Variants in PDE1C observed in about 807,000 individuals in gnomAD.
PDE1C encodes the protein phosphodiesterase 1C.
Under a neutral mutation model 93.1 loss-of-function variants are expected in PDE1C, and 62 were observed. The ratio of observed to expected loss-of-function variants is 0.67; its 90% CI spans 0.54 to 0.82. The LOEUF (loss-of-function observed/expected upper bound fraction) is 0.82, where lower values mean the gene tolerates loss of function less well. PDE1C is among the 40% of genes least tolerant of loss of function. PDE1C has a pLI of 0.00. For missense variants in PDE1C, 742 were observed against 884.6 expected (o/e 0.84, Z 2.04); for synonymous variants, 325 against 310.1 (o/e 1.05, Z -0.50).
At chr7:31,658,393 T>C in the PDE1C span, 1 of 1,492,990 alleles carries the variant, frequency 6.7e-7, no homozygotes, top group Non-Finnish European at 8.8e-7. Context: ...TCTGTTGTAA[T>C]TGTTTTTCTT....
At chr7:32,385,463 T>C (rs1320839178) in intron 1 of PDE1C, among the ~76,000 whole-genome samples, 1 of 152,132 alleles carries the variant, frequency 6.6e-6, no homozygotes, top group Non-Finnish European at 1.5e-5. Flanking sequence ...GGGTGTTCCT[T>C]GGCACTCCAC....
chr7:31,734,810 A>C, the PDE1C span, among the ~76,000 whole-genome samples: 1 of 152,184 alleles, frequency 6.6e-6, no homozygotes, highest in Non-Finnish European at 1.5e-5. Flanking sequence ...TATATGAATA[A>C]GTTTTTCATA....
chr7:32,201,920 C>T (rs1450842570), intron 2 of PDE1C, among the ~76,000 whole-genome samples: 1 of 152,188 alleles, frequency 6.6e-6, no homozygotes, highest in Non-Finnish European at 1.5e-5. Context: ...GGAGGAGGAG[C>T]TTCGTAGCAC....
At chr7:31,928,955 G>C (rs914421648) in intron 2 of PDE1C, among the ~76,000 whole-genome samples, 15 of 152,102 alleles carry the variant, frequency 9.9e-5, no homozygotes, top group Non-Finnish European at 1.8e-4. Context: ...AAATGTAAAT[G>C]GGCTAAATAC....
intron 17 of PDE1C, among the ~76,000 whole-genome samples, chr7:31,774,952 T>G (rs1027294069): frequency 6.6e-6 from 1 of 152,216 alleles, no homozygotes; most frequent in Non-Finnish European, 1.5e-5. Flanking sequence ...CCCAAACAGA[T>G]GTGCTTTTCC....
chr7:31,916,725 C>A (rs967357314), intron 2 of PDE1C, among the ~76,000 whole-genome samples: 5 of 152,140 alleles, frequency 3.3e-5, no homozygotes, highest in African/African-American at 1.2e-4. Flanking sequence ...CAAAAACTGA[C>A]ATTTGGGAGA....
intron 2 of PDE1C, among the ~76,000 whole-genome samples, chr7:31,984,636 A>G (rs1421408315): frequency 6.6e-6 from 1 of 152,242 alleles, no homozygotes. Flanking sequence ...TGCAAATTAC[A>G]TAAGTGGTTT....
intron 1 of PDE1C, among the ~76,000 whole-genome samples, chr7:32,350,103 T>A (rs547836435): frequency 1.3e-5 from 2 of 151,908 alleles, no homozygotes; most frequent in African/African-American, 4.8e-5. Context: ...TTCTTCTTCT[T>A]CCTTCTTCTT....
chr7:31,698,245 G>A, the PDE1C span, among the ~76,000 whole-genome samples: 6 of 152,132 alleles, frequency 3.9e-5, no homozygotes, highest in African/African-American at 1.2e-4. Context: ...AAGACATCAC[G>A]ACAGAAACAG....
chr7:31,969,257 A>T (rs531863735), intron 2 of PDE1C, among the ~76,000 whole-genome samples: 1 of 152,264 alleles, frequency 6.6e-6, no homozygotes, highest in East Asian at 1.9e-4. Flanking sequence ...CAAAGGGCTA[A>T]TATCCAGAAT....
At chr7:32,286,245 A>G (rs910234877) in intron 1 of PDE1C, among the ~76,000 whole-genome samples, 5 of 152,210 alleles carry the variant, frequency 3.3e-5, no homozygotes, top group Non-Finnish European at 7.3e-5. Context: ...TTTACTGAAG[A>G]TATGTCCCAC....
chr7:31,743,093 C>G, the PDE1C span, among the ~76,000 whole-genome samples: 3 of 152,146 alleles, frequency 2.0e-5, no homozygotes, highest in Non-Finnish European at 4.4e-5. Flanking sequence ...TTGTTATTGA[C>G]TTCTTAATTT....
intron 2 of PDE1C, among the ~76,000 whole-genome samples, chr7:32,023,576 C>G (rs1341513682): frequency 6.6e-6 from 1 of 151,832 alleles, no homozygotes; most frequent in East Asian, 1.9e-4. Context: ...CACATCCGTA[C>G]CGTGGATGAC....
downstream of PDE1C, among the ~76,000 whole-genome samples, chr7:31,747,809 T>C (rs1413526493): frequency 2.1e-5 from 3 of 144,632 alleles, no homozygotes; most frequent in Non-Finnish European, 4.5e-5. Flanking sequence ...ACAGGGTCAG[T>C]TGAGTCAGGA....
intron 8 of PDE1C, among the ~76,000 whole-genome samples, chr7:31,849,425 A>T (rs573826102): frequency 6.6e-6 from 1 of 152,248 alleles, no homozygotes; most frequent in East Asian, 1.9e-4. Context: ...AACCACAAAA[A>T]GCTGCTTTTC....
chr7:32,407,076 C>T (rs1329828150), intron 1 of PDE1C, among the ~76,000 whole-genome samples: 2 of 152,154 alleles, frequency 1.3e-5, no homozygotes, highest in Non-Finnish European at 2.9e-5. Flanking sequence ...GAGCTCGAGA[C>T]CAGCCTGGCC....
chr7:31,713,779 A>G, the PDE1C span, among the ~76,000 whole-genome samples: 1 of 152,044 alleles, frequency 6.6e-6, no homozygotes, highest in African/African-American at 2.4e-5. Flanking sequence ...TGGGGCTTGC[A>G]CTCTCTGAAG....
At chr7:32,264,373 G>A (rs79487217) in intron 1 of PDE1C, among the ~76,000 whole-genome samples, 3,723 of 152,222 alleles carry the variant, frequency 0.024, 151 homozygotes, top group African/African-American at 0.084. Flanking sequence ...TTTGAGGTAG[G>A]TATTCTTATT....
At chr7:32,422,752 GC>G (rs2128100321) in intron 1 of PDE1C, among the ~76,000 whole-genome samples, 1 of 152,196 alleles carries the variant, frequency 6.6e-6, no homozygotes, top group East Asian at 1.9e-4. Context: ...TTTCAATTAA[GC>G]TAAAATTTAC....
Sources: gnomAD v4.1 joint callset for allele counts (sites outside exome capture counted in the v4.1 genomes callset) on GRCh38, gnomAD v4.1.1 for gene constraint, MANE v1.5 for transcripts, NCBI Gene and HGNC (gene_info 2026-07-23, HGNC 2026-07-21) for gene names.